The following RPS6KC1 variants were observed in gnomAD, a reference collection of about 807,000 sequenced individuals.
RPS6KC1 encodes the protein ribosomal protein S6 kinase C1.
A neutral mutation model predicts 103.8 loss-of-function variants in RPS6KC1; 54 were observed. The ratio of observed to expected loss-of-function variants is 0.52; its 90% CI spans 0.42 to 0.65. RPS6KC1 has a LOEUF of 0.65. Among genes scored for constraint, RPS6KC1 ranks in the 30% least tolerant of loss-of-function variants. The probability of loss-of-function intolerance (pLI) is 0.00; values close to 1 mark genes in which losing one functional copy is unlikely to be tolerated. For missense variants in RPS6KC1, 1,151 were observed against 1,253.8 expected (o/e 0.92, Z 1.24); for synonymous variants, 439 against 438.7 (o/e 1.00, Z -0.01).
At chr1:213,738,403 A>G in the RPS6KC1 span, among the ~76,000 whole-genome samples, 1 of 152,160 alleles carries the variant, frequency 6.6e-6, no homozygotes, top group Non-Finnish European at 1.5e-5. Context: ...CGTTTGCAAG[A>G]GAGAAAGTGG....
chr1:213,409,014 T>G, the RPS6KC1 span, among the ~76,000 whole-genome samples: 4 of 152,204 alleles, frequency 2.6e-5, no homozygotes, highest in East Asian at 7.8e-4. Context: ...GTGAAGAACT[T>G]GTCCTTCAAG....
At chr1:213,513,247 C>T in the RPS6KC1 span, among the ~76,000 whole-genome samples, 5 of 152,128 alleles carry the variant, frequency 3.3e-5, no homozygotes, top group East Asian at 1.9e-4. Context: ...GGAAAGAATT[C>T]GTTCATAGAG....
chr1:213,815,291 T>C, the RPS6KC1 span, among the ~76,000 whole-genome samples: 1 of 152,190 alleles, frequency 6.6e-6, no homozygotes, highest in African/African-American at 2.4e-5. Context: ...CCCAGTTTCT[T>C]CGATGCAGTG....
At chr1:213,671,461 T>A in the RPS6KC1 span, among the ~76,000 whole-genome samples, 1 of 152,190 alleles carries the variant, frequency 6.6e-6, no homozygotes, top group African/African-American at 2.4e-5. Flanking sequence ...TTTCACAGTA[T>A]GTTGGCTACA....
At chr1:213,513,159 C>T in the RPS6KC1 span, among the ~76,000 whole-genome samples, 2 of 151,822 alleles carry the variant, frequency 1.3e-5, no homozygotes, top group Non-Finnish European at 2.9e-5. Flanking sequence ...GACCTCCATG[C>T]TGTTGCTGAC....
At chr1:213,466,351 T>C in the RPS6KC1 span, among the ~76,000 whole-genome samples, 1 of 152,194 alleles carries the variant, frequency 6.6e-6, no homozygotes, top group Non-Finnish European at 1.5e-5. Context: ...TCTCCCCCTC[T>C]CAGAGCACAC....
At chr1:213,271,636 C>T (rs887254831) in intron 14 of RPS6KC1, among the ~76,000 whole-genome samples, 7 of 152,070 alleles carry the variant, frequency 4.6e-5, no homozygotes, top group East Asian at 1.9e-4. Context: ...TGGTGGCGCG[C>T]GCCTGTAGTC....
chr1:213,081,691 C>A (rs763924216), intron 3 of RPS6KC1, among the ~76,000 whole-genome samples: 13 of 149,198 alleles, frequency 8.7e-5, no homozygotes, highest in Non-Finnish European at 1.3e-4. Context: ...TCATAACTTG[C>A]CCTGAGGGAT....
intron 1 of RPS6KC1, among the ~76,000 whole-genome samples, chr1:213,054,429 A>C (rs2077175970): frequency 6.6e-6 from 1 of 152,340 alleles, no homozygotes; most frequent in Middle Eastern, 3.4e-3. Context: ...GTATTATAAA[A>C]TATTTCTTGA....
chr1:213,637,116 A>G, the RPS6KC1 span, among the ~76,000 whole-genome samples: 1 of 152,154 alleles, frequency 6.6e-6, no homozygotes, highest in East Asian at 1.9e-4. Flanking sequence ...AGGAAACAAC[A>G]GATGCTGGAG....
At chr1:213,149,994 G>A (rs897206835) in intron 6 of RPS6KC1, among the ~76,000 whole-genome samples, 6 of 152,062 alleles carry the variant, frequency 3.9e-5, no homozygotes, top group African/African-American at 1.4e-4. Flanking sequence ...CATTGGTGTG[G>A]AATATCTTTT....
the RPS6KC1 span, among the ~76,000 whole-genome samples, chr1:213,388,620 C>T: frequency 2.2e-3 from 332 of 152,344 alleles, no homozygotes; most frequent in Non-Finnish European, 3.9e-3. Flanking sequence ...GCAGCCCCAT[C>T]TGGAGGGGAG....
chr1:213,405,306 C>T, the RPS6KC1 span, among the ~76,000 whole-genome samples: 1 of 152,250 alleles, frequency 6.6e-6, no homozygotes, highest in Admixed American at 6.5e-5. Flanking sequence ...CTCGAATCCG[C>T]TGAACCTGTA....
chr1:213,723,512 T>G, the RPS6KC1 span, among the ~76,000 whole-genome samples: 1 of 152,286 alleles, frequency 6.6e-6, no homozygotes, highest in African/African-American at 2.4e-5. Context: ...TCTCTTCTTC[T>G]TGTAAGTACA....
chr1:213,834,884 G>A, the RPS6KC1 span, among the ~76,000 whole-genome samples: 3 of 152,168 alleles, frequency 2.0e-5, no homozygotes, highest in South Asian at 2.1e-4. Context: ...TAGTGCTTAC[G>A]TAGGGCTGGG....
At position 213,051,363 on chromosome 1, in the gene RPS6KC1, T is replaced by C. The variant is rs1419624472; in HGVS notation, c.-42T>C. On this transcript the variant is annotated 5_prime_UTR_variant, in exon 1 of 15. It removes an upstream start codon present in the reference 5' UTR. Coordinates refer to ENST00000366960, the MANE Select transcript of RPS6KC1 (RefSeq NM_012424.6). ...CCGCGGCGGCGCCGGGTTTCCCTCATGATCCCGGGCGGGTGGCGGCGGCGG... is the reference window on the plus strand; with the variant it reads ...CCGCGGCGGCGCCGGGTTTCCCTCACGATCCCGGGCGGGTGGCGGCGGCGG... 3 of 1,508,208 alleles carry C rather than the reference T, an allele frequency of 2.0e-6. No individual in the cohort carries two copies. Among genetic ancestry groups the C allele is most frequent in the Admixed American group, 3.4e-5 (2 of 59,452 alleles). The allele number at this position is 1,508,208 out of a possible 1,614,324, so 93.4% of individuals were successfully genotyped here.
At chr1:213,623,419 C>T in the RPS6KC1 span, among the ~76,000 whole-genome samples, 1 of 152,094 alleles carries the variant, frequency 6.6e-6, no homozygotes, top group African/African-American at 2.4e-5. Context: ...GCCTTACTAG[C>T]CACAAAACCC....
At chr1:213,830,484 G>A in the RPS6KC1 span, among the ~76,000 whole-genome samples, 70 of 152,228 alleles carry the variant, frequency 4.6e-4, 2 homozygotes, top group Admixed American at 3.9e-3. Flanking sequence ...CAAGTGAGGA[G>A]CATTTGGAAG....
the RPS6KC1 span, among the ~76,000 whole-genome samples, chr1:213,611,002 C>T: frequency 6.6e-6 from 1 of 152,138 alleles, no homozygotes; most frequent in East Asian, 1.9e-4. Context: ...TATGGGGTTA[C>T]ACCATAAATG....
Sources: allele counts gnomAD v4.1 joint callset (sites outside exome capture counted in the v4.1 genomes callset), GRCh38; gene constraint gnomAD v4.1.1; transcripts MANE v1.5; gene names NCBI Gene and HGNC (gene_info 2026-07-23, HGNC 2026-07-21).